Variants in SEMA5A observed in about 807,000 individuals in gnomAD.
The protein encoded by SEMA5A is semaphorin-5A.
In SEMA5A, 55 loss-of-function variants were observed where a neutral mutation model predicts 135.5. That is an observed-to-expected ratio of 0.41 (90% confidence interval 0.33 to 0.51). SEMA5A has a LOEUF of 0.51. SEMA5A is among the 20% of genes least tolerant of loss of function. SEMA5A has a pLI of 0.37. For missense variants in SEMA5A, 1,290 were observed against 1,419.9 expected, an observed-to-expected ratio of 0.91 and a Z score of 1.47; for synonymous variants, 580 against 546.5, an observed-to-expected ratio of 1.06 and a Z score of -0.85.
intron 13 of SEMA5A, among the ~76,000 whole-genome samples, chr5:9,126,450 C>T (rs6876444): frequency 0.34 from 52,244 of 151,694 alleles, 11,975 homozygotes; most frequent in East Asian, 0.64. Context: ...TCTGGGACAT[C>T]TGTTCATCCT....
At chr5:9,523,332 T>C (rs769883310) in intron 1 of SEMA5A, among the ~76,000 whole-genome samples, 10 of 152,210 alleles carry the variant, frequency 6.6e-5, no homozygotes, top group Non-Finnish European at 1.0e-4. Flanking sequence ...TTGAAGGGTG[T>C]GGTTTCAGTA....
intron 1 of SEMA5A, among the ~76,000 whole-genome samples, chr5:9,449,938 G>T (rs1216260332): frequency 6.6e-6 from 1 of 152,160 alleles, no homozygotes; most frequent in East Asian, 1.9e-4. Context: ...CTCCTTAGGA[G>T]GTTTTCTAGT....
At chr5:9,457,994 G>A (rs1251850434) in intron 1 of SEMA5A, among the ~76,000 whole-genome samples, 10 of 130,430 alleles carry the variant, frequency 7.7e-5, no homozygotes, top group Non-Finnish European at 9.3e-5. Context: ...TGCAAGCTCC[G>A]CCTCCCGGGT....
chr5:9,421,196 C>G (rs1347428891), intron 2 of SEMA5A, among the ~76,000 whole-genome samples: 1 of 152,162 alleles, frequency 6.6e-6, no homozygotes, highest in Non-Finnish European at 1.5e-5. Context: ...CAATAACATA[C>G]AAATACAGGT....
chr5:9,466,382 T>TAA (rs10608363), intron 1 of SEMA5A, among the ~76,000 whole-genome samples: 164 of 143,144 alleles, frequency 1.1e-3, no homozygotes, highest in Non-Finnish European at 1.6e-3. Context: ...TAATAAAATT[T>TAA]AAAAAAAAAA....
intron 4 of SEMA5A, among the ~76,000 whole-genome samples, chr5:9,323,078 C>T (rs1449293618): frequency 6.6e-6 from 1 of 152,206 alleles, no homozygotes; most frequent in Non-Finnish European, 1.5e-5. Context: ...AATGGCACCT[C>T]TTTTCTCTCT....
intron 10 of SEMA5A, among the ~76,000 whole-genome samples, chr5:9,196,137 T>C (rs139682960): frequency 2.7e-3 from 411 of 152,352 alleles, no homozygotes; most frequent in African/African-American, 9.2e-3. Flanking sequence ...ATAATGATGA[T>C]GATGATCTTA....
At chr5:9,483,802 T>C (rs1422945338) in intron 1 of SEMA5A, among the ~76,000 whole-genome samples, 2 of 152,170 alleles carry the variant, frequency 1.3e-5, no homozygotes, top group Non-Finnish European at 2.9e-5. Context: ...GAGTGCAGTT[T>C]TAAAAAATAA....
chr5:9,196,021 G>A (rs1467970277), intron 10 of SEMA5A, among the ~76,000 whole-genome samples: 1 of 152,248 alleles, frequency 6.6e-6, no homozygotes, highest in African/African-American at 2.4e-5. Context: ...CCTGCACATG[G>A]AGAAGGCATT....
intron 2 of SEMA5A, among the ~76,000 whole-genome samples, chr5:9,403,897 C>A (rs193034790): frequency 6.6e-6 from 1 of 152,078 alleles, no homozygotes; most frequent in Admixed American, 6.6e-5. Flanking sequence ...TAAGCCTCAC[C>A]CAGCCTCCTA....
At chr5:9,506,846 G>A (rs1434985930) in intron 1 of SEMA5A, among the ~76,000 whole-genome samples, 1 of 152,086 alleles carries the variant, frequency 6.6e-6, no homozygotes, top group Non-Finnish European at 1.5e-5. Flanking sequence ...TGTGCTATCC[G>A]AGGATCACTG....
At chr5:9,349,677 T>A (rs773654204) in intron 3 of SEMA5A, among the ~76,000 whole-genome samples, 11 of 151,752 alleles carry the variant, frequency 7.2e-5, no homozygotes, top group Non-Finnish European at 1.6e-4. Context: ...AGGAGGGTGG[T>A]TCACTTGAGG....
intron 5 of SEMA5A, among the ~76,000 whole-genome samples, chr5:9,271,145 A>T (rs1438666595): frequency 6.6e-6 from 1 of 151,892 alleles, no homozygotes; most frequent in Non-Finnish European, 1.5e-5. Flanking sequence ...TTCTCATGAG[A>T]TCTGATGGTT....
intron 3 of SEMA5A, among the ~76,000 whole-genome samples, chr5:9,353,100 A>AAGGAAAGGAAAGGAAAGGAAAGGAAAG (rs199741424): frequency 0.045 from 633 of 13,946 alleles, 130 homozygotes; most frequent in Non-Finnish European, 0.071. Flanking sequence ...AAAGGAAGGA[A>AAGGAAAGGAAAGGAAAGGAAAGGAAAG]GGAAAGGAAA....
intron 5 of SEMA5A, among the ~76,000 whole-genome samples, chr5:9,248,211 T>A (rs866777582): frequency 6.6e-6 from 1 of 152,344 alleles, no homozygotes; most frequent in Middle Eastern, 3.4e-3. Flanking sequence ...GAATTTTTAA[T>A]GTCTGTAACA....
chr5:9,283,832 T>C (rs967415752), intron 5 of SEMA5A, among the ~76,000 whole-genome samples: 5 of 152,224 alleles, frequency 3.3e-5, no homozygotes, highest in African/African-American at 1.2e-4. Flanking sequence ...ACATAGAACA[T>C]ATGCAAATGC....
At chr5:9,391,970 T>A (rs1756179738) in intron 2 of SEMA5A, among the ~76,000 whole-genome samples, 1 of 152,138 alleles carries the variant, frequency 6.6e-6, no homozygotes, top group South Asian at 2.1e-4. Context: ...GCCACACACA[T>A]GCACACACAC....
intron 16 of SEMA5A, among the ~76,000 whole-genome samples, chr5:9,072,333 G>A (rs924651906): frequency 2.6e-5 from 4 of 152,110 alleles, no homozygotes; most frequent in East Asian, 1.9e-4. Flanking sequence ...TTTGGGAGCT[G>A]GAGAATGCCA....
intron 3 of SEMA5A, among the ~76,000 whole-genome samples, chr5:9,365,792 C>CA (rs1410618569): frequency 1.3e-5 from 2 of 152,168 alleles, no homozygotes; most frequent in African/African-American, 4.8e-5. Flanking sequence ...AAGCAGAGAG[C>CA]AAAGAAGCTG....
Sources: gnomAD v4.1 joint callset for allele counts (sites outside exome capture counted in the v4.1 genomes callset) on GRCh38, gnomAD v4.1.1 for gene constraint, MANE v1.5 for transcripts, NCBI Gene and HGNC (gene_info 2026-07-23, HGNC 2026-07-21) for gene names.